Variants in RGPD5 observed in about 807,000 individuals in gnomAD.
RGPD5 encodes the protein RANBP2-like and GRIP domain-containing protein 5/6.
At chr2:109,779,198 G>GGGAGGT in the RGPD5 span, among the ~76,000 whole-genome samples, 5 of 76,698 alleles carry the variant, frequency 6.5e-5, no homozygotes, top group Admixed American at 9.2e-4. Context: ...ATGCCTTTGT[G>GGGAGGT]GGAGGTTCCT....
chr2:109,794,614 G>GCGGCGGCGGCGGCGGCGGC (rs1553471502), intron 1 of RGPD5, 77 bp downstream of exon 1: 1 of 72,258 alleles, frequency 1.4e-5, no homozygotes, highest in African/African-American at 1.1e-4. Flanking sequence ...GCGGCGGGGG[G>GCGGCGGCGGCGGCGGCGGC]GGCGGCGGCG....
the RGPD5 span, among the ~76,000 whole-genome samples, chr2:109,767,391 G>C: frequency 6.9e-6 from 1 of 144,196 alleles, no homozygotes; most frequent in Non-Finnish European, 1.5e-5. Context: ...CACATATGTA[G>C]ATCTATTAAC....
At chr2:109,764,519 A>G in the RGPD5 span, among the ~76,000 whole-genome samples, 17 of 149,980 alleles carry the variant, frequency 1.1e-4, no homozygotes, top group South Asian at 3.7e-3. Flanking sequence ...TGCAAGGATG[A>G]GTAAGGCGTA....
At chr2:109,767,293 C>T in the RGPD5 span, among the ~76,000 whole-genome samples, 5 of 149,786 alleles carry the variant, frequency 3.3e-5, no homozygotes, top group East Asian at 8.2e-4. Context: ...GACCCTGGGA[C>T]GGTTTTGAGT....
At chr2:109,794,752 C>G (rs1247117904) in intron 1 of RGPD5, 2 of 354,826 alleles carry the variant, frequency 5.6e-6, no homozygotes, top group Non-Finnish European at 6.4e-6. Flanking sequence ...CAGGAAGAGT[C>G]CTGGGGGGAC....
At chr2:109,799,210 G>C (rs1676928677) in intron 1 of RGPD5, among the ~76,000 whole-genome samples, 2 of 108,754 alleles carry the variant, frequency 1.8e-5, no homozygotes, top group Admixed American at 1.9e-4. Flanking sequence ...CCGCACTCCA[G>C]CCTGGCGACA....
chr2:109,766,480 G>T, the RGPD5 span, among the ~76,000 whole-genome samples: 1 of 150,600 alleles, frequency 6.6e-6, no homozygotes, highest in South Asian at 2.2e-4. Context: ...TTAATGTGTG[G>T]ATAGGTTTTT....
the RGPD5 span, among the ~76,000 whole-genome samples, chr2:109,763,451 C>T: frequency 1.3e-5 from 2 of 150,186 alleles, 1 homozygote; most frequent in Non-Finnish European, 2.9e-5. Flanking sequence ...CAAATCCAGT[C>T]AGACAATTGC....
intron 1 of RGPD5, 73 bp downstream of exon 1, chr2:109,794,610 G>GCGGCGGCGGCGGCGGCCCCGGCCCGGCC (rs1481533589): frequency 1.1e-5 from 2 of 189,770 alleles, no homozygotes; most frequent in Admixed American, 1.4e-4. Flanking sequence ...GGCGGCGGCG[G>GCGGCGGCGGCGGCGGCCCCGGCCCGGCC]GGGGGGCGGC....
At chr2:109,766,350 G>A in the RGPD5 span, among the ~76,000 whole-genome samples, 4 of 150,788 alleles carry the variant, frequency 2.7e-5, no homozygotes, top group African/African-American at 7.3e-5. Flanking sequence ...TGTGTGGGGC[G>A]TGTTTTGGAG....
chr2:109,763,239 G>A, the RGPD5 span, among the ~76,000 whole-genome samples: 2 of 150,170 alleles, frequency 1.3e-5, no homozygotes, highest in African/African-American at 4.9e-5. Flanking sequence ...TGCTGAACAC[G>A]TATTATTTAT....
In RGPD5 at chr2:109,794,507, G is replaced by C. The variant is rs1676843355; in HGVS notation, c.42G>C (p.Ser14=). The change falls in exon 1 of 23, where the codon TCG becomes TCC. Residue 14 remains serine (S), a synonymous_variant. Transcript: ENST00000016946. ...SKADVERYVA[S]VLGLTPSPRQ... is the part of the protein sequence containing the mutation. ...CCGATGTGGAGCGGTACGTCGCCTC[G>C]GTGCTGGGTCTCACCCCGTCGCCTC... 1 of 507,970 alleles carries C rather than the reference G, an allele frequency of 2.0e-6. No homozygotes were observed. Among genetic ancestry groups the C allele is most frequent in the African/African-American group, 8.7e-5 (1 of 11,446 alleles). 31.5% of individuals were successfully genotyped at this position (507,970 alleles called of 1,614,324 possible).
chr2:109,763,326 C>A, the RGPD5 span, among the ~76,000 whole-genome samples: 8 of 150,414 alleles, frequency 5.3e-5, no homozygotes, highest in Non-Finnish European at 1.2e-4. Context: ...TTCCATTTTA[C>A]AGATAGGAAA....
chr2:109,763,232 T>C, the RGPD5 span, among the ~76,000 whole-genome samples: 521 of 150,346 alleles, frequency 3.5e-3, 23 homozygotes, highest in Admixed American at 7.2e-3. Context: ...TAACATTTGC[T>C]GAACACGTAT....
chr2:109,772,814 A>G, the RGPD5 span, among the ~76,000 whole-genome samples: 3 of 142,738 alleles, frequency 2.1e-5, no homozygotes, highest in Non-Finnish European at 4.5e-5. Context: ...AGGGCTGACT[A>G]GCCTGGGCTG....
At chr2:109,763,730 T>C in the RGPD5 span, among the ~76,000 whole-genome samples, 1 of 150,444 alleles carries the variant, frequency 6.6e-6, no homozygotes, top group South Asian at 2.2e-4. Context: ...AAAAACTTTT[T>C]TGAAGGAGGA....
chr2:109,766,704 C>T, the RGPD5 span, among the ~76,000 whole-genome samples: 1 of 116,288 alleles, frequency 8.6e-6, no homozygotes, highest in Non-Finnish European at 1.7e-5. Context: ...GATTAATAGG[C>T]AAATTAAGAA....
At chr2:109,766,545 T>A in the RGPD5 span, among the ~76,000 whole-genome samples, 1 of 150,568 alleles carries the variant, frequency 6.6e-6, no homozygotes, top group South Asian at 2.2e-4. Flanking sequence ...GGGAAATGAT[T>A]CCTTCCTGTG....
the RGPD5 span, among the ~76,000 whole-genome samples, chr2:109,760,687 T>C: frequency 0.013 from 1,855 of 141,968 alleles, 14 homozygotes; most frequent in East Asian, 0.032. Flanking sequence ...GCGGCGGCGG[T>C]AGCGGCGGCG....
Sources: allele counts gnomAD v4.1 joint callset (sites outside exome capture counted in the v4.1 genomes callset), GRCh38; gene constraint gnomAD v4.1.1; transcripts MANE v1.5; gene names NCBI Gene and HGNC (gene_info 2026-07-23, HGNC 2026-07-21).